Variants in ARB2A observed in about 807,000 individuals in gnomAD.
The protein encoded by ARB2A is cotranscriptional regulator ARB2A.
chr5:93,872,124 T>C, the ARB2A span, among the ~76,000 whole-genome samples: 1 of 151,990 alleles, frequency 6.6e-6, no homozygotes, highest in Admixed American at 6.6e-5. Flanking sequence ...ATTTTTGTAT[T>C]TTTAGTAGAG....
At chr5:93,751,312 C>A in the ARB2A span, among the ~76,000 whole-genome samples, 279 of 152,078 alleles carry the variant, frequency 1.8e-3, 1 homozygote, top group Admixed American at 3.4e-3. Flanking sequence ...TTTATTGGTA[C>A]AATATATTGA....
the ARB2A span, among the ~76,000 whole-genome samples, chr5:94,105,012 T>C: frequency 5.3e-5 from 8 of 151,780 alleles, no homozygotes; most frequent in Non-Finnish European, 7.4e-5. Flanking sequence ...AAAGAGCCAG[T>C]TATGACAAAT....
the ARB2A span, among the ~76,000 whole-genome samples, chr5:93,748,959 G>C: frequency 2.6e-5 from 4 of 151,624 alleles, no homozygotes; most frequent in African/African-American, 9.7e-5. Flanking sequence ...ATAATCTTAA[G>C]TTTCAATCAG....
At chr5:93,669,400 C>T in the ARB2A span, among the ~76,000 whole-genome samples, 2 of 152,242 alleles carry the variant, frequency 1.3e-5, no homozygotes, top group South Asian at 2.1e-4. Context: ...TCATACCTGA[C>T]TGACAAGACA....
At chr5:94,075,641 T>G in the ARB2A span, among the ~76,000 whole-genome samples, 2 of 152,302 alleles carry the variant, frequency 1.3e-5, no homozygotes, top group Admixed American at 6.5e-5. Flanking sequence ...AGATTGAATA[T>G]TCCTCTGAGG....
At chr5:93,927,499 C>T in the ARB2A span, among the ~76,000 whole-genome samples, 1 of 152,162 alleles carries the variant, frequency 6.6e-6, no homozygotes, top group Non-Finnish European at 1.5e-5. Context: ...CTCCTCAGTA[C>T]CGTAAACTTC....
At chr5:93,916,497 T>A in the ARB2A span, among the ~76,000 whole-genome samples, 1 of 152,188 alleles carries the variant, frequency 6.6e-6, no homozygotes, top group Admixed American at 6.6e-5. Flanking sequence ...TTTCAACTGA[T>A]GGCATTTATG....
chr5:93,896,237 C>T, the ARB2A span, among the ~76,000 whole-genome samples: 1 of 152,044 alleles, frequency 6.6e-6, no homozygotes, highest in South Asian at 2.1e-4. Flanking sequence ...AGAGATACTA[C>T]AGATTGAGCA....
At chr5:93,895,554 T>G in the ARB2A span, among the ~76,000 whole-genome samples, 1 of 152,142 alleles carries the variant, frequency 6.6e-6, no homozygotes, top group African/African-American at 2.4e-5. Flanking sequence ...TTTGTATACT[T>G]TAATGGAAAT....
the ARB2A span, among the ~76,000 whole-genome samples, chr5:93,942,393 A>G: frequency 6.6e-6 from 1 of 152,138 alleles, no homozygotes; most frequent in Admixed American, 6.6e-5. Context: ...TTACTTTTAA[A>G]ATTTAGAATT....
At chr5:94,009,182 T>C in the ARB2A span, among the ~76,000 whole-genome samples, 6 of 152,068 alleles carry the variant, frequency 3.9e-5, no homozygotes, top group East Asian at 1.9e-4. Flanking sequence ...TTCAAACACT[T>C]TGGCCTCAAA....
chr5:93,756,005 G>A, the ARB2A span, among the ~76,000 whole-genome samples: 6 of 152,176 alleles, frequency 3.9e-5, no homozygotes, highest in African/African-American at 1.4e-4. Flanking sequence ...CTTGCCCTCC[G>A]CCTGGACACA....
chr5:93,778,314 G>C, the ARB2A span, among the ~76,000 whole-genome samples: 2 of 152,164 alleles, frequency 1.3e-5, no homozygotes, highest in African/African-American at 4.8e-5. Flanking sequence ...ACATCAGAGA[G>C]TTCTAGATAA....
chr5:93,682,259 AAC>A, the ARB2A span, among the ~76,000 whole-genome samples: 35 of 143,836 alleles, frequency 2.4e-4, no homozygotes, highest in Admixed American at 4.8e-4. Context: ...AAAAAAAAAA[AAC>A]ATTTCTCACA....
the ARB2A span, among the ~76,000 whole-genome samples, chr5:93,801,263 A>G: frequency 6.6e-6 from 1 of 152,142 alleles, no homozygotes; most frequent in Non-Finnish European, 1.5e-5. Context: ...GGGACACTGG[A>G]TACTCTATTT....
chr5:94,110,799 C>T, the ARB2A span, among the ~76,000 whole-genome samples: 1 of 152,136 alleles, frequency 6.6e-6, no homozygotes, highest in African/African-American at 2.4e-5. Flanking sequence ...GAGAATTTTT[C>T]CCTCTACAGC....
At chr5:93,637,354 GTT>G in the ARB2A span, among the ~76,000 whole-genome samples, 3 of 116,096 alleles carry the variant, frequency 2.6e-5, no homozygotes, top group African/African-American at 6.3e-5. Context: ...GGGTTGTTTA[GTT>G]TTTTTTTTTT....
the ARB2A span, among the ~76,000 whole-genome samples, chr5:93,707,733 C>G: frequency 6.6e-6 from 1 of 151,896 alleles, no homozygotes; most frequent in African/African-American, 2.4e-5. Context: ...CGCCCCCACG[C>G]CTGGCTAATT....
the ARB2A span, among the ~76,000 whole-genome samples, chr5:93,760,122 ATCAAGAAC>A: frequency 1.3e-5 from 2 of 152,222 alleles, no homozygotes; most frequent in African/African-American, 2.4e-5. Context: ...GGAGAATCAA[ATCAAGAAC>A]TCAACCCCTT....
Sources: gnomAD v4.1 joint callset for allele counts (sites outside exome capture counted in the v4.1 genomes callset) on GRCh38, gnomAD v4.1.1 for gene constraint, MANE v1.5 for transcripts, NCBI Gene and HGNC (gene_info 2026-07-23, HGNC 2026-07-21) for gene names.